LRP1B: variants seen among roughly 807,000 people sequenced by gnomAD.
The protein encoded by LRP1B is low-density lipoprotein receptor-related protein 1B.
In LRP1B, 217 loss-of-function variants were observed where a neutral mutation model predicts 556.6. That is an observed-to-expected ratio of 0.39 (90% confidence interval 0.35 to 0.44). The LOEUF (loss-of-function observed/expected upper bound fraction) is 0.44, where lower values mean the gene tolerates loss of function less well. Ranked by LOEUF, LRP1B falls within the 20% of genes least tolerant of loss-of-function variation. LRP1B has a pLI of 1.00. For missense variants in LRP1B, 5,053 were observed against 5,620.8 expected, an observed-to-expected ratio of 0.90 and a Z score of 3.23; for synonymous variants, 2,047 against 1,865.8, an observed-to-expected ratio of 1.10 and a Z score of -2.50.
intron 18 of LRP1B, among the ~76,000 whole-genome samples, chr2:140,957,020 A>G (rs1467220181): frequency 2.0e-5 from 3 of 151,742 alleles, no homozygotes; most frequent in Admixed American, 6.6e-5. Context: ...CTAGGAATAC[A>G]ATATTGAGTA....
intron 45 of LRP1B, 100 bp downstream of exon 45, chr2:140,540,873 G>T (rs1680107721): frequency 7.8e-7 from 1 of 1,287,274 alleles, no homozygotes; most frequent in Non-Finnish European, 1.1e-6. Flanking sequence ...TCTAATATTA[G>T]AAGAGAGTAT....
intron 6 of LRP1B, among the ~76,000 whole-genome samples, chr2:141,192,324 A>C (rs1388119796): frequency 1.3e-5 from 2 of 151,916 alleles, no homozygotes; most frequent in African/African-American, 2.4e-5. Context: ...GGAAACTAGA[A>C]TTTTTAAAAG....
Position 141,961,291 on chromosome 2 carries a change from G to C in LRP1B, c.83-150890C>G, listed in dbSNP as rs553290172. The stretch of plus-strand genomic sequence containing the variant: ...TCTTTGACACTTTGTTTTTGATGTA[G>C]AGAAAACAGTCTGCTGTTTAACATA... On this transcript the variant is annotated intron_variant, in intron 1 of 90. Transcript: ENST00000389484. Among the ~76,000 whole-genome samples, 4 of 151,828 alleles carry C rather than the reference G, an allele frequency of 2.6e-5. No individual in the cohort carries two copies. In the South Asian group the frequency reaches 8.3e-4, roughly 31 times the overall value.
intron 1 of LRP1B, among the ~76,000 whole-genome samples, chr2:141,883,037 G>T (rs918733032): frequency 1.3e-5 from 2 of 152,118 alleles, no homozygotes; most frequent in East Asian, 3.9e-4. Context: ...TTGGAAAATA[G>T]ATGATATATT....
rs2105385692 is a variant in LRP1B, at chr2:141,013,673, C to G, written c.2263G>C (p.Asp755His). ...SHHGNYVFWT[D>H]YMNGSIFQLD... ...TGAAAAATGGAACCATTCATATAATCAGTCCAGAACACATAATTTCCATGA... is the reference window on the plus strand; with the variant it reads ...TGAAAAATGGAACCATTCATATAATGAGTCCAGAACACATAATTTCCATGA... Residue 755 changes from aspartate (D) to histidine (H), a missense_variant, in exon 14 of 91, where the codon GAT becomes CAT. By Grantham distance (81) the Asp-to-His change is moderately conservative (BLOSUM62 -1). This residue lies in a region of LRP1B where 3,619 missense variants were observed against 3,931.9 expected (regional missense o/e 0.92). Coordinates refer to ENST00000389484, the MANE Select transcript of LRP1B (RefSeq NM_018557.3). The G allele has an allele frequency of 1.2e-6, 2 of 1,607,648 alleles. No individual in the cohort carries two copies. Among genetic ancestry groups the G allele is most frequent in the Non-Finnish European group, 1.7e-6 (2 of 1,177,124 alleles).
intron 59 of LRP1B, among the ~76,000 whole-genome samples, chr2:140,478,245 G>A (rs1458694973): frequency 6.7e-6 from 1 of 148,916 alleles, no homozygotes; most frequent in Non-Finnish European, 1.5e-5. Context: ...CGCCTCCCGG[G>A]TTCACGCCAT....
chr2:140,817,660 T>A (rs1424370864), intron 31 of LRP1B, among the ~76,000 whole-genome samples: 1 of 151,906 alleles, frequency 6.6e-6, no homozygotes, highest in Non-Finnish European at 1.5e-5. Flanking sequence ...ACTGAAAAAA[T>A]TAAGTTTGTT....
At chr2:141,894,886 C>T (rs1412361802) in intron 1 of LRP1B, among the ~76,000 whole-genome samples, 1 of 151,380 alleles carries the variant, frequency 6.6e-6, no homozygotes, top group Non-Finnish European at 1.5e-5. Flanking sequence ...CCTGTCTCTA[C>T]TAAAAATTAA....
At chr2:140,574,846 C>A (rs1042923056) in intron 43 of LRP1B, among the ~76,000 whole-genome samples, 1 of 152,058 alleles carries the variant, frequency 6.6e-6, no homozygotes, top group African/African-American at 2.4e-5. Flanking sequence ...AAGTAATTAA[C>A]CAATATTTCT....
chr2:141,347,902 T>A (rs1320186346), intron 3 of LRP1B, among the ~76,000 whole-genome samples: 1 of 151,986 alleles, frequency 6.6e-6, no homozygotes, highest in Non-Finnish European at 1.5e-5. Context: ...CTTTCAAAAG[T>A]TGAATGGAAA....
intron 41 of LRP1B, among the ~76,000 whole-genome samples, chr2:140,604,798 C>T (rs1682807935): frequency 6.6e-6 from 1 of 151,746 alleles, no homozygotes; most frequent in South Asian, 2.1e-4. Context: ...AATTGAATCA[C>T]AGTGGCAGGT....
At chr2:142,114,801 T>C (rs1707123902) in intron 1 of LRP1B, among the ~76,000 whole-genome samples, 1 of 152,042 alleles carries the variant, frequency 6.6e-6, no homozygotes, top group Non-Finnish European at 1.5e-5. Flanking sequence ...GATTACAACA[T>C]ACATTTAGAT....
intron 2 of LRP1B, chr2:141,805,253 A>C (rs534566676): frequency 6.6e-6 from 1 of 152,202 alleles, no homozygotes; most frequent in Non-Finnish European, 1.5e-5. Flanking sequence ...AAGCAGCCAT[A>C]CTGTGGATAT....
chr2:141,526,029 GTTAT>G (rs1403232978), intron 2 of LRP1B, among the ~76,000 whole-genome samples: 1 of 151,886 alleles, frequency 6.6e-6, no homozygotes, highest in Non-Finnish European at 1.5e-5. Context: ...TTCTTTATAA[GTTAT>G]TTGAGACATA....
At chr2:140,267,555 T>G (rs1471260173) in intron 86 of LRP1B, among the ~76,000 whole-genome samples, 4 of 152,056 alleles carry the variant, frequency 2.6e-5, no homozygotes, top group African/African-American at 9.6e-5. Context: ...TTGGGAAAAG[T>G]CTGTACAGAA....
At chr2:141,213,352 A>G (rs1437485397) in intron 6 of LRP1B, among the ~76,000 whole-genome samples, 1 of 152,196 alleles carries the variant, frequency 6.6e-6, no homozygotes, top group Non-Finnish European at 1.5e-5. Context: ...AAAGTAACGT[A>G]ATTATTCAGG....
At chr2:140,932,017 A>G (rs1028283764) in intron 20 of LRP1B, among the ~76,000 whole-genome samples, 1 of 152,164 alleles carries the variant, frequency 6.6e-6, no homozygotes, top group Non-Finnish European at 1.5e-5. Context: ...GTGGTAGCAA[A>G]TATTTTCTAG....
At chr2:141,462,341 T>C (rs1199488218) in intron 3 of LRP1B, among the ~76,000 whole-genome samples, 1 of 152,194 alleles carries the variant, frequency 6.6e-6, no homozygotes, top group Non-Finnish European at 1.5e-5. Flanking sequence ...AGTTCAATTA[T>C]AGCTTCATAT....
At chr2:141,716,624 G>A (rs1428835667) in intron 2 of LRP1B, among the ~76,000 whole-genome samples, 3 of 151,996 alleles carry the variant, frequency 2.0e-5, no homozygotes, top group Non-Finnish European at 4.4e-5. Flanking sequence ...GCTCAAAGAA[G>A]GCCACTGCTC....
Sources: allele counts gnomAD v4.1 joint callset (sites outside exome capture counted in the v4.1 genomes callset), GRCh38; gene constraint gnomAD v4.1.1; regional missense constraint gnomAD v4.1.1; transcripts MANE v1.5; gene names NCBI Gene and HGNC (gene_info 2026-07-23, HGNC 2026-07-21).